Variants in ZHX2 observed in about 807,000 individuals in gnomAD.
ZHX2 encodes zinc fingers and homeoboxes protein 2.
ZHX2 carries 6 observed loss-of-function variants against 21.9 expected under a neutral mutation model. The ratio of observed to expected loss-of-function variants is 0.27; its 90% CI spans 0.15 to 0.54. The LOEUF is 0.54. Among genes scored for constraint, ZHX2 ranks in the 20% least tolerant of loss-of-function variants. The pLI, the probability that ZHX2 is intolerant of heterozygous loss-of-function variation, is 0.95. For missense variants in ZHX2, 908 were observed against 1,090.7 expected (o/e 0.83, Z 2.36); for synonymous variants, 434 against 437.1 (o/e 0.99, Z 0.09).
intron 2 of ZHX2, among the ~76,000 whole-genome samples, chr8:122,913,308 A>G (rs1316554688): frequency 6.6e-6 from 1 of 152,234 alleles, no homozygotes; most frequent in African/African-American, 2.4e-5. Flanking sequence ...TTCGACTATC[A>G]TAAATAGTGC....
chr8:122,895,642 T>C (rs1820081078), intron 2 of ZHX2, among the ~76,000 whole-genome samples: 1 of 152,152 alleles, frequency 6.6e-6, no homozygotes, highest in Non-Finnish European at 1.5e-5. Flanking sequence ...ACCCATTATA[T>C]TCTAGATGCT....
chr8:122,838,532 C>T (rs951654852), intron 1 of ZHX2, among the ~76,000 whole-genome samples: 5 of 150,818 alleles, frequency 3.3e-5, no homozygotes, highest in African/African-American at 1.2e-4. Flanking sequence ...GTGGTAGAAA[C>T]CTTTCGATCA....
At chr8:122,833,140 T>G (rs1386357571) in intron 1 of ZHX2, among the ~76,000 whole-genome samples, 2 of 152,148 alleles carry the variant, frequency 1.3e-5, no homozygotes, top group Non-Finnish European at 2.9e-5. Flanking sequence ...AAAAAGGCAT[T>G]GTTTAAGGTT....
intron 1 of ZHX2, among the ~76,000 whole-genome samples, chr8:122,808,253 C>A (rs1961588): frequency 0.66 from 100,948 of 152,034 alleles, 33,598 homozygotes; most frequent in African/African-American, 0.72. Context: ...ATACTAGTGT[C>A]TTAGCCCATT....
intron 1 of ZHX2, among the ~76,000 whole-genome samples, chr8:122,820,840 A>G (rs1401164871): frequency 1.3e-5 from 2 of 152,226 alleles, no homozygotes; most frequent in African/African-American, 4.8e-5. Context: ...CCGAAAGGTC[A>G]GCCACCCTGG....
At chr8:122,879,995 T>C (rs148538284) in intron 2 of ZHX2, among the ~76,000 whole-genome samples, 1,867 of 140,736 alleles carry the variant, frequency 0.013, 33 homozygotes, top group African/African-American at 0.047. Context: ...TTTTTTTAGA[T>C]GGAGCCTCGC....
chr8:122,921,482 T>G (rs375595339), intron 2 of ZHX2, among the ~76,000 whole-genome samples: 3 of 152,076 alleles, frequency 2.0e-5, no homozygotes, highest in Non-Finnish European at 4.4e-5. Context: ...GCCCCTCCCC[T>G]GGGGGTTTGG....
At chr8:122,836,455 A>C (rs1261871367) in intron 1 of ZHX2, among the ~76,000 whole-genome samples, 1 of 152,114 alleles carries the variant, frequency 6.6e-6, no homozygotes, top group Non-Finnish European at 1.5e-5. Context: ...TTGGCACCTG[A>C]CTTAAGGTTC....
At chr8:122,915,845 C>A (rs189844605) in intron 2 of ZHX2, among the ~76,000 whole-genome samples, 1 of 152,166 alleles carries the variant, frequency 6.6e-6, no homozygotes, top group Non-Finnish European at 1.5e-5. Flanking sequence ...GTCTGAAGAC[C>A]AAAGAAAGTG....
chr8:122,879,509 T>G (rs1313739098), intron 2 of ZHX2, among the ~76,000 whole-genome samples: 1 of 142,914 alleles, frequency 7.0e-6, no homozygotes, highest in African/African-American at 2.6e-5. Flanking sequence ...CGGGCTGGTT[T>G]TTTTTTTTTT....
intron 1 of ZHX2, among the ~76,000 whole-genome samples, chr8:122,801,585 CAAAA>C (rs34318877): frequency 8.0e-6 from 1 of 124,798 alleles, no homozygotes; most frequent in Admixed American, 8.1e-5. Context: ...GCCATCTCTA[CAAAA>C]AAAAAAAAAA....
chr8:122,940,580 C>T (rs1001009638), intron 2 of ZHX2, among the ~76,000 whole-genome samples: 1 of 152,200 alleles, frequency 6.6e-6, no homozygotes, highest in African/African-American at 2.4e-5. Context: ...ATGGGCCACT[C>T]ATGAAGCTTT....
chr8:122,957,318 G>A (rs967029946), intron 3 of ZHX2, among the ~76,000 whole-genome samples: 3 of 140,450 alleles, frequency 2.1e-5, no homozygotes, highest in Non-Finnish European at 4.6e-5. Flanking sequence ...AAAAAAACAT[G>A]CAGGAACCCC....
intron 1 of ZHX2, among the ~76,000 whole-genome samples, chr8:122,834,491 C>A (rs560420228): frequency 6.6e-5 from 10 of 152,352 alleles, no homozygotes; most frequent in Admixed American, 6.5e-4. Context: ...AGGAGGCTTC[C>A]GTGTGGAGCT....
intron 3 of ZHX2, among the ~76,000 whole-genome samples, chr8:122,956,137 G>A (rs1010297912): frequency 6.6e-5 from 10 of 152,054 alleles, no homozygotes; most frequent in Non-Finnish European, 1.0e-4. Context: ...GAGCCACCAC[G>A]CCCGACCTCC....
chr8:122,953,790 G>A lies in ZHX2; in HGVS notation c.2280G>A (p.Leu760=), dbSNP rs894002825. ...KVGSEPAKDC[L]PAKPSEATSD... Reference sequence around the variant, plus strand: ...GCAGCGAGCCAGCAAAAGACTGTTTGCCAGCAAAGCCCTCAGAGGCCACCT... The same window carrying A: ...GCAGCGAGCCAGCAAAAGACTGTTTACCAGCAAAGCCCTCAGAGGCCACCT... The change falls in exon 3 of 4, where the codon TTG becomes TTA. Residue 760 remains leucine, a synonymous_variant. Coordinates refer to ENST00000314393, the MANE Select transcript of ZHX2 (RefSeq NM_014943.5). This position sits in a 1 kb window ranked among gnomAD's most constrained non-coding sequence, Gnocchi z 4.6. The A allele has an allele frequency of 1.2e-6, 2 of 1,614,140 alleles. No individual in the cohort carries two copies. The highest frequency in any genetic ancestry group is 1.3e-5 in the African/African-American group (1 of 74,950).
rs532426819 is a variant in ZHX2, at chr8:122,888,058, A to G, written c.-220+24519A>G. ...CGAGGGTTCCAAGCCACACAGCAGG[A>G]GCCCCCTCTCTACCCCTTCTCCAGG... On this transcript the variant is annotated intron_variant, in intron 2 of 3. Coordinates refer to ENST00000314393, the MANE Select transcript of ZHX2 (RefSeq NM_014943.5). 5.3e-5 allele frequency among the ~76,000 whole-genome samples: 8 copies of G among 152,226 alleles called. No homozygotes were observed. In the East Asian group the frequency reaches 1.4e-3, roughly 26 times the overall value.
At chr8:122,968,903 A>C (rs370747575) in intron 3 of ZHX2, among the ~76,000 whole-genome samples, 23 of 152,076 alleles carry the variant, frequency 1.5e-4, no homozygotes, top group African/African-American at 5.6e-4. Context: ...TCACGCATGT[A>C]ATCTCAGCAT....
intron 1 of ZHX2, among the ~76,000 whole-genome samples, chr8:122,787,140 G>C (rs1053134427): frequency 6.6e-6 from 1 of 151,488 alleles, no homozygotes; most frequent in Non-Finnish European, 1.5e-5. Context: ...CAGAAAAACA[G>C]TCCTGACAAC....
Sources: gnomAD v4.1 joint callset for allele counts (sites outside exome capture counted in the v4.1 genomes callset) on GRCh38, gnomAD v4.1.1 for gene constraint, Gnocchi (gnomAD v3.1) non-coding constraint, MANE v1.5 for transcripts, NCBI Gene and HGNC (gene_info 2026-07-23, HGNC 2026-07-21) for gene names.